The following EPHA5 variants were observed in gnomAD, a reference collection of about 807,000 sequenced individuals.
The protein encoded by EPHA5 is EPH receptor A5.
In EPHA5, 60 loss-of-function variants were observed where a neutral mutation model predicts 105.0. The observed-to-expected ratio is 0.57, with a 90% CI of 0.46 to 0.71. The LOEUF is 0.71. Ranked by LOEUF, EPHA5 falls within the 30% of genes least tolerant of loss-of-function variation. The pLI is 0.00. For missense variants in EPHA5, 1,218 were observed against 1,274.7 expected, an observed-to-expected ratio of 0.96 and a Z score of 0.68; for synonymous variants, 513 against 449.1, an observed-to-expected ratio of 1.14 and a Z score of -1.80.
chr4:65,398,584 G>A (rs1597611), intron 8 of EPHA5, among the ~76,000 whole-genome samples: 21,140 of 152,102 alleles, frequency 0.14, 1,551 homozygotes, highest in African/African-American at 0.17. Context: ...GCTTTCTCTC[G>A]CCTGCCTATG....
At chr4:65,497,535 C>T (rs1732065451) in intron 3 of EPHA5, among the ~76,000 whole-genome samples, 1 of 151,928 alleles carries the variant, frequency 6.6e-6, no homozygotes, top group Non-Finnish European at 1.5e-5. Flanking sequence ...GCAGCTTATG[C>T]CATACTTAGC....
At chr4:65,665,600 G>A (rs769533989) in intron 1 of EPHA5, among the ~76,000 whole-genome samples, 2 of 152,040 alleles carry the variant, frequency 1.3e-5, no homozygotes, top group Middle Eastern at 3.2e-3. Flanking sequence ...TTGGAATAAA[G>A]AGCCAACAGT....
At chr4:65,357,578 G>T (rs1723424462) in intron 11 of EPHA5, among the ~76,000 whole-genome samples, 1 of 151,270 alleles carries the variant, frequency 6.6e-6, no homozygotes, top group African/African-American at 2.4e-5. Context: ...GCAGTGTATT[G>T]TGAACAATCT....
intron 2 of EPHA5, among the ~76,000 whole-genome samples, chr4:65,607,447 A>T (rs1437035130): frequency 1.3e-5 from 2 of 150,424 alleles, no homozygotes; most frequent in African/African-American, 4.8e-5. Context: ...GCTAATATCC[A>T]GAATCTACCC....
intron 3 of EPHA5, among the ~76,000 whole-genome samples, chr4:65,547,939 A>G (rs1399419816): frequency 6.6e-6 from 1 of 152,060 alleles, no homozygotes; most frequent in Admixed American, 6.6e-5. Context: ...ATGATCCAAG[A>G]CTACTAGTAC....
intron 8 of EPHA5, among the ~76,000 whole-genome samples, chr4:65,391,780 G>C (rs1242138910): frequency 6.6e-6 from 1 of 152,096 alleles, no homozygotes; most frequent in Non-Finnish European, 1.5e-5. Context: ...TGGAGCTTTA[G>C]ACAAAAAGTG....
intron 5 of EPHA5, among the ~76,000 whole-genome samples, chr4:65,484,795 A>T (rs1247186980): frequency 6.6e-6 from 1 of 152,078 alleles, no homozygotes; most frequent in Admixed American, 6.5e-5. Context: ...TATTTATAGA[A>T]AAACATAAAT....
chr4:65,487,817 C>A (rs974732893), intron 5 of EPHA5, among the ~76,000 whole-genome samples: 1 of 152,144 alleles, frequency 6.6e-6, no homozygotes, highest in East Asian at 1.9e-4. Flanking sequence ...GCTTAGCTGG[C>A]TCTATGTGTA....
intron 7 of EPHA5, among the ~76,000 whole-genome samples, chr4:65,409,604 G>A (rs1275120837): frequency 2.6e-5 from 4 of 152,024 alleles, no homozygotes; most frequent in Non-Finnish European, 4.4e-5. Flanking sequence ...CATCACTGAA[G>A]GTTAAAATAA....
At chr4:65,373,335 A>G (rs1298516035) in intron 8 of EPHA5, among the ~76,000 whole-genome samples, 1 of 151,952 alleles carries the variant, frequency 6.6e-6, no homozygotes, top group African/African-American at 2.4e-5. Flanking sequence ...ATGGAGTTCT[A>G]GAATTATTAC....
chr4:65,363,831 C>T (rs1245771769), intron 11 of EPHA5, among the ~76,000 whole-genome samples: 2 of 151,460 alleles, frequency 1.3e-5, no homozygotes, highest in African/African-American at 4.8e-5. Flanking sequence ...AATACAGCCA[C>T]GTTCAAATTC....
At chr4:65,396,688 A>C (rs1037490936) in intron 8 of EPHA5, among the ~76,000 whole-genome samples, 6 of 152,234 alleles carry the variant, frequency 3.9e-5, no homozygotes, top group Non-Finnish European at 8.8e-5. Flanking sequence ...AACAGGGATT[A>C]GATGAAAATC....
At chr4:65,568,537 G>A (rs191999260) in intron 3 of EPHA5, among the ~76,000 whole-genome samples, 52 of 150,558 alleles carry the variant, frequency 3.5e-4, no homozygotes, top group Admixed American at 1.7e-3. Flanking sequence ...TAACAACAAC[G>A]CATCCCTTTT....
At chr4:65,362,355 G>A (rs1717414813) in intron 11 of EPHA5, among the ~76,000 whole-genome samples, 1 of 151,604 alleles carries the variant, frequency 6.6e-6, no homozygotes, top group South Asian at 2.1e-4. Context: ...AGATCAGAGA[G>A]CATGAAATTA....
At chr4:65,350,505 T>G (rs1376419) in intron 13 of EPHA5, among the ~76,000 whole-genome samples, 85,825 of 151,888 alleles carry the variant, frequency 0.57, 24,690 homozygotes, top group East Asian at 0.81. Flanking sequence ...TAGGGAAAAA[T>G]AAACAATGAC....
intron 7 of EPHA5, among the ~76,000 whole-genome samples, 156 bp downstream of exon 7, chr4:65,414,128 A>T (rs1226177134): frequency 1.3e-5 from 2 of 152,196 alleles, no homozygotes; most frequent in Non-Finnish European, 2.9e-5. Context: ...ACCTACCATA[A>T]TAGCATGACA....
chr4:65,368,679 G>A (rs1718162218), intron 8 of EPHA5, among the ~76,000 whole-genome samples: 4 of 152,206 alleles, frequency 2.6e-5, no homozygotes, highest in Admixed American at 2.6e-4. Flanking sequence ...CAGTATATAA[G>A]ATGCTTTTCT....
chr4:65,455,136 G>A (rs1275253403), intron 5 of EPHA5, among the ~76,000 whole-genome samples: 2 of 152,044 alleles, frequency 1.3e-5, no homozygotes, highest in African/African-American at 4.8e-5. Flanking sequence ...GGGAGGCTGA[G>A]GCAGGAGAAT....
chr4:65,557,883 CT>C (rs778404246), intron 3 of EPHA5, among the ~76,000 whole-genome samples: 1,803 of 143,126 alleles, frequency 0.013, 5 homozygotes, highest in Non-Finnish European at 0.018. Flanking sequence ...AGGTAAAATT[CT>C]TTTTTTTTTT....
Sources: allele counts gnomAD v4.1 joint callset (sites outside exome capture counted in the v4.1 genomes callset), GRCh38; gene constraint gnomAD v4.1.1; transcripts MANE v1.5; gene names NCBI Gene and HGNC (gene_info 2026-07-23, HGNC 2026-07-21).